Variants in ADAMTS17 observed in about 807,000 individuals in gnomAD.
ADAMTS17 encodes ADAM metallopeptidase with thrombospondin type 1 motif 17, also known as A disintegrin and metalloproteinase with thrombospondin motifs 17.
A neutral mutation model predicts 141.5 loss-of-function variants in ADAMTS17; 113 were observed. The ratio of observed to expected loss-of-function variants is 0.80; its 90% CI spans 0.69 to 0.93. The LOEUF (loss-of-function observed/expected upper bound fraction) is 0.93. Among genes scored for constraint, ADAMTS17 ranks in the 40% least tolerant of loss-of-function variants. The pLI is 0.00. For synonymous variants in ADAMTS17, 768 were observed against 630.6 expected (o/e 1.22, Z -3.27); for missense variants, 1,659 against 1,517.9 (o/e 1.09, Z -1.54).
intron 20 of ADAMTS17, among the ~76,000 whole-genome samples, chr15:99,985,584 G>A (rs1172253416): frequency 6.6e-6 from 1 of 152,134 alleles, no homozygotes; most frequent in Non-Finnish European, 1.5e-5. Context: ...ACTTAATAAC[G>A]ACCACATGAG....
rs143055688 is a variant in ADAMTS17, at chr15:100,281,247, G to T, written c.771C>A (p.Ile257=). 19 of 1,606,048 alleles carry T rather than the reference G, an allele frequency of 1.2e-5. 1 individual carries two copies. In the East Asian group the frequency reaches 4.0e-4, roughly 34 times the overall value. The stretch of plus-strand genomic sequence containing the variant: ...GACTCACCATGTTCATGACGGTCAG[G>T]ATGAACCTCTGGGCGGCCTCGGCCC... ...YHGAEAAQRF[I]LTVMNMVYNM... is the part of the protein sequence containing the mutation. Residue 257 remains isoleucine, a synonymous_variant, in exon 4 of 22, where the codon ATC becomes ATA. Coordinates refer to ENST00000268070, the MANE Select transcript of ADAMTS17 (RefSeq NM_139057.4).
chr15:100,231,046 C>T (rs1005542961), intron 7 of ADAMTS17, among the ~76,000 whole-genome samples: 1 of 152,194 alleles, frequency 6.6e-6, no homozygotes, highest in African/African-American at 2.4e-5. Flanking sequence ...AAGTTGGCAA[C>T]CCCATCAGAA....
chr15:100,199,218 C>T, intron 8 of ADAMTS17, 100 bp downstream of exon 8: 2 of 1,138,760 alleles, frequency 1.8e-6, no homozygotes, highest in Non-Finnish European at 2.7e-6. Context: ...GCAGCAAAGG[C>T]ATAGAGCAGC....
At chr15:100,259,957 G>A (rs557515604) in intron 6 of ADAMTS17, among the ~76,000 whole-genome samples, 2 of 152,178 alleles carry the variant, frequency 1.3e-5, no homozygotes, top group Non-Finnish European at 2.9e-5. Context: ...CAATTCTCCT[G>A]CCTCAGCCTC....
In ADAMTS17 at chr15:100,165,394, C is replaced by T. The variant is rs116695558; in HGVS notation, c.1182-10074G>A. Among the ~76,000 whole-genome samples the T allele has an allele frequency of 9.3e-3, 1,423 of 152,288 alleles. 24 individuals are homozygous for T. Among genetic ancestry groups the T allele is most frequent in the African/African-American group, 0.032 (1,336 of 41,566 alleles). ...GAGGATACCCACAGCGTGCCTCCCC[C>T]CAATGCCTCCTGGGCATGCCATGGC... On this transcript the variant is annotated intron_variant, in intron 8 of 21. Coordinates refer to ENST00000268070, the MANE Select transcript of ADAMTS17 (RefSeq NM_139057.4).
chr15:100,123,596 G>A (rs1458102687), intron 12 of ADAMTS17, among the ~76,000 whole-genome samples: 2 of 152,208 alleles, frequency 1.3e-5, no homozygotes, highest in African/African-American at 4.8e-5. Context: ...CATAAACAGT[G>A]ATCATAAAAC....
chr15:99,986,920 G>A (rs995388868), intron 20 of ADAMTS17, among the ~76,000 whole-genome samples: 7 of 152,206 alleles, frequency 4.6e-5, no homozygotes, highest in African/African-American at 1.7e-4. Flanking sequence ...ATACCAGAGT[G>A]ATAGGAGTGC....
At chr15:100,281,721 C>A (rs2044291098) in intron 3 of ADAMTS17, among the ~76,000 whole-genome samples, 1 of 152,138 alleles carries the variant, frequency 6.6e-6, no homozygotes, top group Non-Finnish European at 1.5e-5. Context: ...CGGAGAGCTG[C>A]CAAGTACGCA....
At chr15:100,053,210 A>G (rs894638991) in intron 16 of ADAMTS17, among the ~76,000 whole-genome samples, 20 of 152,310 alleles carry the variant, frequency 1.3e-4, no homozygotes, top group African/African-American at 4.6e-4. Context: ...CTGGATCTTG[A>G]GACGGAAGCA....
chr15:100,028,646 C>T (rs1322833982), intron 18 of ADAMTS17, among the ~76,000 whole-genome samples: 1 of 152,228 alleles, frequency 6.6e-6, no homozygotes, highest in African/African-American at 2.4e-5. Context: ...CTCTCTCAGT[C>T]CCCTGTCGTA....
intron 8 of ADAMTS17, among the ~76,000 whole-genome samples, chr15:100,161,193 G>A (rs58777640): frequency 0.02 from 3,103 of 152,218 alleles, 166 homozygotes; most frequent in East Asian, 0.2. Context: ...AAAGCACACC[G>A]TGCGGCGAGT....
chr15:100,095,022 G>A (rs981387080), intron 15 of ADAMTS17, among the ~76,000 whole-genome samples: 1 of 152,206 alleles, frequency 6.6e-6, no homozygotes, highest in Non-Finnish European at 1.5e-5. Flanking sequence ...TTTTCCCAGT[G>A]AGATGGAAAG....
At position 100,094,087 on chromosome 15, in the gene ADAMTS17, G is replaced by GAAAAAA; in HGVS notation, c.2137+2268_2137+2269insTTTTTT. Among the ~76,000 whole-genome samples, 3 of 151,912 alleles carry GAAAAAA rather than the reference G, an allele frequency of 2.0e-5. No individual in the cohort carries two copies. In the East Asian group the frequency reaches 5.9e-4, roughly 30 times the overall value. ...TCACAGACTCCAGCTGTGAGGATTT[G>GAAAAAA]AAAAACAAAAAACTGCTGTGTACCT... On this transcript the variant is annotated intron_variant, in intron 15 of 21. Coordinates refer to ENST00000268070, the MANE Select transcript of ADAMTS17 (RefSeq NM_139057.4).
intron 7 of ADAMTS17, among the ~76,000 whole-genome samples, chr15:100,247,523 A>T (rs1476269125): frequency 6.6e-6 from 1 of 152,212 alleles, no homozygotes; most frequent in East Asian, 1.9e-4. Context: ...CCAACCAGTG[A>T]GGACGCCAGG....
intron 12 of ADAMTS17, among the ~76,000 whole-genome samples, chr15:100,131,155 G>A (rs1014576263): frequency 6.6e-5 from 10 of 151,952 alleles, no homozygotes; most frequent in African/African-American, 2.2e-4. Context: ...CTCAGAAATG[G>A]GAGCTGAACA....
chr15:100,029,595 G>C (rs2029926209), intron 18 of ADAMTS17, among the ~76,000 whole-genome samples: 1 of 152,152 alleles, frequency 6.6e-6, no homozygotes, highest in Non-Finnish European at 1.5e-5. Context: ...GTCTCCACTT[G>C]GTTAGGTCTC....
At chr15:100,172,808 A>G (rs1448017873) in intron 8 of ADAMTS17, among the ~76,000 whole-genome samples, 1 of 152,246 alleles carries the variant, frequency 6.6e-6, no homozygotes, top group Non-Finnish European at 1.5e-5. Flanking sequence ...TCCAACTGCG[A>G]GGAGCACCCT....
chr15:100,318,934 C>G (rs7178555), intron 3 of ADAMTS17, among the ~76,000 whole-genome samples: 1 of 152,302 alleles, frequency 6.6e-6, no homozygotes, highest in South Asian at 2.1e-4. Flanking sequence ...TTCAGGATAC[C>G]AGCGGGACAT....
chr15:100,207,868 G>A (rs2041638387), intron 7 of ADAMTS17, among the ~76,000 whole-genome samples: 1 of 152,094 alleles, frequency 6.6e-6, no homozygotes, highest in Non-Finnish European at 1.5e-5. Context: ...TCACGTCATT[G>A]GCCATTTCTA....
Sources: allele counts gnomAD v4.1 joint callset (sites outside exome capture counted in the v4.1 genomes callset), GRCh38; gene constraint gnomAD v4.1.1; transcripts MANE v1.5; gene names NCBI Gene and HGNC (gene_info 2026-07-23, HGNC 2026-07-21).